ABCC1: variants seen among roughly 807,000 people sequenced by gnomAD.
ABCC1 encodes multidrug resistance-associated protein 1.
ABCC1 carries 83 observed loss-of-function variants against 172.9 expected under a neutral mutation model. The observed-to-expected ratio is 0.48, with a 90% CI of 0.40 to 0.58. The LOEUF is 0.58. ABCC1 is among the 20% of genes least tolerant of loss of function. The probability of loss-of-function intolerance (pLI) is 0.00; values close to 1 mark genes in which losing one functional copy is unlikely to be tolerated. For missense variants in ABCC1, 1,817 were observed against 2,002.7 expected, an observed-to-expected ratio of 0.91 and a Z score of 1.77; for synonymous variants, 937 against 825.2, an observed-to-expected ratio of 1.14 and a Z score of -2.32.
chr16:16,026,465 CTTTTTTTTTTT>C (rs1157942197), intron 5 of ABCC1, among the ~76,000 whole-genome samples: 4 of 95,502 alleles, frequency 4.2e-5, no homozygotes, highest in African/African-American at 1.6e-4. Flanking sequence ...AGGCTATTTC[CTTTTTTTTTTT>C]TTTTTTTTTT....
chr16:16,097,270 G>A (rs1323684436), intron 19 of ABCC1, among the ~76,000 whole-genome samples: 2 of 152,060 alleles, frequency 1.3e-5, no homozygotes, highest in Non-Finnish European at 2.9e-5. Flanking sequence ...CTGCCACCAC[G>A]CCCGGCTAAT....
At chr16:16,052,406 G>A (rs1365478349) in intron 10 of ABCC1, among the ~76,000 whole-genome samples, 1 of 151,388 alleles carries the variant, frequency 6.6e-6, no homozygotes, top group Non-Finnish European at 1.5e-5. Context: ...TGCAGCCTGG[G>A]CAACATAGCG....
chr16:16,024,088 G>A (rs567328271), intron 5 of ABCC1, among the ~76,000 whole-genome samples: 2 of 152,182 alleles, frequency 1.3e-5, no homozygotes, highest in South Asian at 4.2e-4. Context: ...GTGTGGTGGT[G>A]CATGCCTGTA....
chr16:16,122,175 G>T lies in ABCC1; in HGVS notation c.3590+1G>T, dbSNP rs1296016724. On this transcript the variant is annotated splice_donor_variant, in intron 24 of 30. Transcript: ENST00000399410. LOFTEE classifies it high-confidence loss of function. ...ATTACCCCAGCATCGTGGCCAACAGGTGGGCATGGTGGGCCTGCAGGAGCG... is the reference window on the plus strand; with the variant it reads ...ATTACCCCAGCATCGTGGCCAACAGTTGGGCATGGTGGGCCTGCAGGAGCG... 6.2e-7 allele frequency: 1 copy of T among 1,613,954 alleles called. No homozygotes were observed. The highest frequency in any genetic ancestry group is 8.5e-7 in the Non-Finnish European group (1 of 1,179,962).
chr16:16,014,569 G>T lies in ABCC1; in HGVS notation c.430G>T (p.Val144Leu), dbSNP rs767231625. ...SSGIMLTFWL[V>L]ALVCALAILR... is the part of the protein sequence containing the mutation. ...AGGGATCATGCTCACTTTCTGGCTG[G>T]TAGCCCTAGTGTGTGCCCTAGCCAT... The change falls in exon 4 of 31, where the codon GTA (valine) becomes TTA (leucine). Residue 144 changes from valine to leucine, a missense_variant. Val to Leu is a conservative substitution (Grantham distance 32, BLOSUM62 1). Coordinates refer to ENST00000399410, the MANE Select transcript of ABCC1 (RefSeq NM_004996.4). The T allele has an allele frequency of 6.2e-7, 1 of 1,613,994 alleles. No homozygotes were observed. The highest frequency in any genetic ancestry group is 1.3e-5 in the African/African-American group (1 of 74,918).
At chr16:16,016,899 G>A (rs944702214) in intron 5 of ABCC1, among the ~76,000 whole-genome samples, 4 of 152,168 alleles carry the variant, frequency 2.6e-5, no homozygotes, top group African/African-American at 9.7e-5. Flanking sequence ...GAAAATGTGA[G>A]CAGATAATTA....
intron 5 of ABCC1, among the ~76,000 whole-genome samples, chr16:16,019,314 G>A (rs1401873881): frequency 6.6e-6 from 1 of 152,046 alleles, no homozygotes; most frequent in South Asian, 2.1e-4. Context: ...ATCTTGGCCC[G>A]GCTGGTCTCG....
intron 1 of ABCC1, among the ~76,000 whole-genome samples, chr16:15,987,957 T>C (rs1430567151): frequency 3.3e-5 from 5 of 152,090 alleles, no homozygotes; most frequent in African/African-American, 1.2e-4. Flanking sequence ...ATCCTGTATT[T>C]GTTTATTTAT....
At chr16:15,954,815 C>T (rs549219088) in intron 1 of ABCC1, among the ~76,000 whole-genome samples, 6 of 152,314 alleles carry the variant, frequency 3.9e-5, no homozygotes, top group East Asian at 1.9e-4. Context: ...AAAACCTTTT[C>T]TGTTTGTGGA....
chr16:16,041,087 C>G (rs1008157068), intron 7 of ABCC1, among the ~76,000 whole-genome samples: 1 of 150,906 alleles, frequency 6.6e-6, no homozygotes, highest in Non-Finnish European at 1.5e-5. Context: ...GCCACCACAC[C>G]TGGCTAATTT....
chr16:16,097,011 TG>T (rs1477635278), intron 19 of ABCC1, among the ~76,000 whole-genome samples: 16 of 152,386 alleles, frequency 1.0e-4, no homozygotes, highest in African/African-American at 2.9e-4. Context: ...TTGATTACTT[TG>T]TGGCACTTAT....
chr16:15,999,826 C>CCTT (rs2047214064), intron 1 of ABCC1, among the ~76,000 whole-genome samples: 3 of 46,072 alleles, frequency 6.5e-5, no homozygotes, highest in African/African-American at 1.8e-4. Context: ...CTCTCTCTCT[C>CCTT]TCTCTCTGTC....
chr16:16,106,205 C>T (rs532898152), intron 20 of ABCC1, among the ~76,000 whole-genome samples: 28 of 152,174 alleles, frequency 1.8e-4, no homozygotes, highest in African/African-American at 6.7e-4. Flanking sequence ...AACACGCTTG[C>T]ATGAAGGAGC....
At chr16:16,070,861 T>G (rs2050319593) in intron 13 of ABCC1, among the ~76,000 whole-genome samples, 1 of 152,176 alleles carries the variant, frequency 6.6e-6, no homozygotes, top group Non-Finnish European at 1.5e-5. Context: ...CCACAAATAT[T>G]TCAGCATGCA....
rs1173236142 is a variant in ABCC1 at position 16,115,101 on chromosome 16, G to A, written c.3390+25G>A. Reference sequence around the variant, plus strand: ...GGTAAGGGGTGAGGTCTTAGTGTTCGGGACAAGCCCTACTGTGCATTATAT... The same window carrying A: ...GGTAAGGGGTGAGGTCTTAGTGTTCAGGACAAGCCCTACTGTGCATTATAT... On this transcript the variant is annotated intron_variant, in intron 23 of 30. Coordinates refer to ENST00000399410, the MANE Select transcript of ABCC1 (RefSeq NM_004996.4). 6 of 1,606,332 alleles carry A rather than the reference G, an allele frequency of 3.7e-6. No individual in the cohort carries two copies. The South Asian group carries it at 5.5e-5, about 15-fold the overall frequency.
intron 9 of ABCC1, among the ~76,000 whole-genome samples, 171 bp downstream of exon 9, chr16:16,046,184 G>C (rs17205838): frequency 0.13 from 19,578 of 152,144 alleles, 1,549 homozygotes; most frequent in Admixed American, 0.17. Context: ...GGCATTGTAC[G>C]TTAGGAAAGC....
intron 3 of ABCC1, among the ~76,000 whole-genome samples, chr16:16,013,419 T>C (rs4781720): frequency 0.63 from 95,787 of 151,528 alleles, 30,850 homozygotes; most frequent in Non-Finnish European, 0.7. Context: ...TAAAGGCGTA[T>C]GCCACCACGC....
At chr16:15,952,019 G>A (rs570883794) in intron 1 of ABCC1, among the ~76,000 whole-genome samples, 2 of 152,274 alleles carry the variant, frequency 1.3e-5, no homozygotes, top group East Asian at 3.9e-4. Context: ...TAGCGTGTCC[G>A]AGGCCAGGAG....
intron 25 of ABCC1, 131 bp from the exon 26 acceptor site, chr16:16,125,679 C>T (rs972720206): frequency 1.8e-4 from 113 of 633,348 alleles, no homozygotes; most frequent in Non-Finnish European, 2.3e-4. Context: ...GTGATCTGAC[C>T]GCCTCAGCCT....
Sources: allele counts gnomAD v4.1 joint callset (sites outside exome capture counted in the v4.1 genomes callset), GRCh38; gene constraint gnomAD v4.1.1; transcripts MANE v1.5; gene names NCBI Gene and HGNC (gene_info 2026-07-23, HGNC 2026-07-21).